Variants in RXRA observed in about 807,000 individuals in gnomAD.
RXRA encodes the protein retinoic acid receptor RXR-alpha.
RXRA carries 5 observed loss-of-function variants against 44.5 expected under a neutral mutation model. The ratio of observed to expected loss-of-function variants is 0.11; its 90% CI spans 0.06 to 0.24. The LOEUF is 0.24. Among genes scored for constraint, RXRA ranks in the 10% least tolerant of loss-of-function variants. The probability of loss-of-function intolerance (pLI) is 1.00; values close to 1 mark genes in which losing one functional copy is unlikely to be tolerated. For missense variants in RXRA, 412 were observed against 646.5 expected, an observed-to-expected ratio of 0.64 and a Z score of 3.93; for synonymous variants, 291 against 271.4, an observed-to-expected ratio of 1.07 and a Z score of -0.71.
intron 6 of RXRA, chr9:134,422,689 C>G (rs1310973953): frequency 9.1e-6 from 9 of 985,224 alleles, no homozygotes; most frequent in African/African-American, 1.7e-5. Context: ...GACACTCCCC[C>G]GTCCTGGGAC....
chr9:134,342,419 C>T lies in RXRA; in HGVS notation c.28+15760C>T, dbSNP rs144503225. 0.01 allele frequency among the ~76,000 whole-genome samples: 1,585 copies of T among 152,260 alleles called. 9 individuals carry two copies. The highest frequency in any genetic ancestry group is 0.015 in the Non-Finnish European group (1,019 of 68,004). ...ACACAGCTTGTGGGCATGGAGGGGCCGATCCTTGCCCTTTCCCTGCCAGGA... is the reference window on the plus strand; with the variant it reads ...ACACAGCTTGTGGGCATGGAGGGGCTGATCCTTGCCCTTTCCCTGCCAGGA... On this transcript the variant is annotated intron_variant, in intron 1 of 9. Transcript: ENST00000481739. This position sits in a 1 kb window ranked among gnomAD's most constrained non-coding sequence, Gnocchi z 4.4.
chr9:134,333,340 G>A (rs1835035164), intron 1 of RXRA, among the ~76,000 whole-genome samples: 1 of 152,306 alleles, frequency 6.6e-6, no homozygotes, highest in South Asian at 2.1e-4. Flanking sequence ...TCCTACCTCT[G>A]GGGTGACCCA....
rs781003011 is a variant in RXRA at position 134,401,957 on chromosome 9, C to T, written c.279+75C>T. On this transcript the variant is annotated intron_variant, in intron 2 of 9. Transcript: ENST00000481739. ...TGTGGCTTCAACTGCAGGACGACCG[C>T]CTCATCTTGAGGCCTCTGGGAGGTA... is the stretch of plus-strand genomic sequence containing the variant. 95 of 1,263,324 alleles carry T rather than the reference C, an allele frequency of 7.5e-5. 1 individual carries two copies. The highest frequency in any genetic ancestry group is 9.5e-5 in the Non-Finnish European group (88 of 923,998). 78.3% of individuals were successfully genotyped at this position (1,263,324 alleles called of 1,614,324 possible).
In RXRA at chr9:134,417,437, C is replaced by T. The variant is rs1831254233; in HGVS notation, c.780+110C>T. 1 of 1,310,064 alleles carries T rather than the reference C, an allele frequency of 7.6e-7. No individual in the cohort carries two copies. Among genetic ancestry groups the T allele is most frequent in the South Asian group, 1.4e-5 (1 of 71,034 alleles). The allele number at this position is 1,310,064 out of a possible 1,614,324, so 81.2% of individuals were successfully genotyped here. On this transcript the variant is annotated intron_variant, in intron 5 of 9. Coordinates refer to ENST00000481739, the MANE Select transcript of RXRA (RefSeq NM_002957.6). The surrounding 1 kb of genome is among the most constrained non-coding windows in gnomAD (Gnocchi z 6.1). ...GAGCCAGAGAGGTCCTGGGGGCTGCCCTGGGCCCTGTGGCTGCCTCAGCTC... is the reference window on the plus strand; with the variant it reads ...GAGCCAGAGAGGTCCTGGGGGCTGCTCTGGGCCCTGTGGCTGCCTCAGCTC...
intron 1 of RXRA, among the ~76,000 whole-genome samples, chr9:134,350,504 G>A (rs972434248): frequency 1.3e-4 from 20 of 152,222 alleles, no homozygotes; most frequent in African/African-American, 2.2e-4. Flanking sequence ...TCCATTCGGA[G>A]GCCTGTGGTT....
chr9:134,419,246 A>G (rs1270629086), intron 5 of RXRA, among the ~76,000 whole-genome samples: 1 of 152,222 alleles, frequency 6.6e-6, no homozygotes, highest in African/African-American at 2.4e-5. Context: ...TCCAGCAGAA[A>G]ATCCAAAAGC....
intron 1 of RXRA, among the ~76,000 whole-genome samples, chr9:134,378,774 G>A (rs1047155494): frequency 2.0e-5 from 3 of 152,152 alleles, no homozygotes; most frequent in African/African-American, 7.2e-5. Flanking sequence ...GGCTGCCCCC[G>A]CAGACCCCAG....
chr9:134,326,610 C>G lies in RXRA; in HGVS notation c.-22C>G. ...GCCGCCCGCTGCCTGCGCCGCCGGC[C>G]GGGCATGAGTTAGTCGCAGACATGG... On this transcript the variant is annotated 5_prime_UTR_variant, in exon 1 of 10. Coordinates refer to ENST00000481739, the MANE Select transcript of RXRA (RefSeq NM_002957.6). 4.2e-6 allele frequency: 4 copies of G among 959,054 alleles called. No individual in the cohort carries two copies. The highest frequency in any genetic ancestry group is 1.8e-5 in the African/African-American group (1 of 55,214). The allele number at this position is 959,054 out of a possible 1,614,324, so 59.4% of individuals were successfully genotyped here.
intron 1 of RXRA, among the ~76,000 whole-genome samples, chr9:134,350,064 G>C (rs1299904550): frequency 6.6e-6 from 1 of 151,316 alleles, no homozygotes; most frequent in Non-Finnish European, 1.5e-5. Flanking sequence ...CCAGATGGCT[G>C]TGTGTGTGTG....
intron 2 of RXRA, chr9:134,404,040 A>G (rs56285355): frequency 0.021 from 3,228 of 152,348 alleles, 60 homozygotes; most frequent in Admixed American, 0.044. Flanking sequence ...TTGAGGCCTC[A>G]GCAGTTTGTC....
intron 4 of RXRA, among the ~76,000 whole-genome samples, chr9:134,410,932 G>A (rs576958596): frequency 6.6e-6 from 1 of 152,196 alleles, no homozygotes; most frequent in East Asian, 1.9e-4. Flanking sequence ...AACCAGGGGG[G>A]GCCCAGGGGG....
intron 1 of RXRA, among the ~76,000 whole-genome samples, chr9:134,380,648 G>A (rs113180647): frequency 0.02 from 2,972 of 152,150 alleles, 52 homozygotes; most frequent in Admixed American, 0.045. Flanking sequence ...CCAGGCCTTG[G>A]CCCTCCTATT....
chr9:134,373,125 G>C (rs1421717323), intron 1 of RXRA, among the ~76,000 whole-genome samples: 2 of 152,290 alleles, frequency 1.3e-5, no homozygotes, highest in East Asian at 3.9e-4. Context: ...GAGCTGGGCT[G>C]GGCCACACAG....
At chr9:134,408,527 C>A (rs893443316) in intron 3 of RXRA, among the ~76,000 whole-genome samples, 1 of 152,176 alleles carries the variant, frequency 6.6e-6, no homozygotes, top group Non-Finnish European at 1.5e-5. Context: ...CACAGGGCAG[C>A]CTGAGGCTTC....
chr9:134,340,382 A>C (rs995443778), intron 1 of RXRA, among the ~76,000 whole-genome samples: 1 of 151,514 alleles, frequency 6.6e-6, no homozygotes, highest in African/African-American at 2.4e-5. Flanking sequence ...CAGTGATGCC[A>C]CCCACTGACC....
chr9:134,326,734 G>A, intron 1 of RXRA, 75 bp downstream of exon 1: 1 of 285,916 alleles, frequency 3.5e-6, no homozygotes, highest in Non-Finnish European at 5.1e-6. Flanking sequence ...CCGGGGGCGC[G>A]TTGGCGGCGC....
chr9:134,388,827 G>T (rs567928194), intron 1 of RXRA, among the ~76,000 whole-genome samples: 3 of 152,338 alleles, frequency 2.0e-5, no homozygotes, highest in Admixed American at 1.3e-4. Context: ...GGCAGATGCT[G>T]AGGGTCTCCA....
intron 1 of RXRA, among the ~76,000 whole-genome samples, chr9:134,341,868 G>C (rs146359794): frequency 2.7e-4 from 41 of 152,152 alleles, no homozygotes; most frequent in African/African-American, 8.4e-4. Flanking sequence ...AGCTGGGTGC[G>C]TGACTGGCAG....
intron 2 of RXRA, chr9:134,403,713 G>C (rs1199854711): frequency 6.6e-6 from 1 of 152,628 alleles, no homozygotes; most frequent in East Asian, 1.9e-4. Context: ...AGGCTTTTCA[G>C]GGCTGCTTCT....
Sources: allele counts gnomAD v4.1 joint callset (sites outside exome capture counted in the v4.1 genomes callset), GRCh38; gene constraint gnomAD v4.1.1; non-coding constraint Gnocchi (gnomAD v3.1); transcripts MANE v1.5; gene names NCBI Gene and HGNC (gene_info 2026-07-23, HGNC 2026-07-21).